The following KIF15 variants were observed in gnomAD, a reference collection of about 807,000 sequenced individuals.
KIF15 encodes the protein kinesin family member 15.
Under a neutral mutation model 190.6 loss-of-function variants are expected in KIF15, and 140 were observed. The ratio of observed to expected loss-of-function variants is 0.73; its 90% CI spans 0.64 to 0.84. The LOEUF is 0.84. Among genes scored for constraint, KIF15 ranks in the 40% least tolerant of loss-of-function variants. KIF15 has a pLI of 0.00. For missense variants in KIF15, 1,372 were observed against 1,584.4 expected, an observed-to-expected ratio of 0.87 and a Z score of 2.28; for synonymous variants, 528 against 551.3, an observed-to-expected ratio of 0.96 and a Z score of 0.59.
Position 44,774,409 on chromosome 3 carries a change from G to A in KIF15, c.34G>A (p.Val12Met), listed in dbSNP as rs534270094. 5.3e-5 allele frequency: 86 copies of A among 1,612,910 alleles called. No individual in the cohort carries two copies. Among genetic ancestry groups the A allele is most frequent in the East Asian group, 4.5e-4 (20 of 44,858 alleles). The change falls in exon 2 of 35, where the codon GTG (valine) becomes ATG (methionine). Residue 12 changes from valine to methionine, a missense_variant. Val to Met is a conservative substitution (Grantham distance 21, BLOSUM62 1). Coordinates refer to ENST00000326047, the MANE Select transcript of KIF15 (RefSeq NM_020242.3). The stretch of plus-strand genomic sequence containing the variant: ...TTTTTTTCTAGCTGAGTTACGCAGC[G>A]TGACAAATGGTCAGTCTAACCAACC... ...APGCKTELRS[V>M]TNGQSNQPSN... is the part of the protein sequence containing the mutation.
intron 1 of KIF15, among the ~76,000 whole-genome samples, chr3:44,767,619 G>C (rs1030595837): frequency 7.4e-5 from 9 of 121,476 alleles, no homozygotes; most frequent in South Asian, 2.6e-4. Flanking sequence ...AGCTCGGCTG[G>C]GCGTGGTGGC....
chr3:44,792,809 G>A (rs534124371), intron 7 of KIF15, among the ~76,000 whole-genome samples: 8 of 152,240 alleles, frequency 5.3e-5, no homozygotes, highest in African/African-American at 1.9e-4. Flanking sequence ...GCCTCCCAAA[G>A]TGCTGGAATT....
chr3:44,808,756 G>A (rs749683275), intron 16 of KIF15, among the ~76,000 whole-genome samples: 3 of 152,064 alleles, frequency 2.0e-5, no homozygotes, highest in Admixed American at 6.5e-5. Flanking sequence ...ACCAGTTAAC[G>A]TGAGGCTCAA....
chr3:44,789,439 T>G (rs1044490864), intron 7 of KIF15, among the ~76,000 whole-genome samples: 1 of 151,262 alleles, frequency 6.6e-6, no homozygotes, highest in Non-Finnish European at 1.5e-5. Flanking sequence ...AGTCTTTGAG[T>G]TTTTTTTGAG....
At chr3:44,787,549 T>G (rs1053925369) in intron 7 of KIF15, among the ~76,000 whole-genome samples, 3 of 152,190 alleles carry the variant, frequency 2.0e-5, no homozygotes, top group African/African-American at 7.2e-5. Context: ...AGAGATAGGT[T>G]GTACATGTGA....
At chr3:44,801,631 G>A (rs1307972922) in intron 12 of KIF15, 105 bp downstream of exon 12, 13 of 955,256 alleles carry the variant, frequency 1.4e-5, no homozygotes, top group Non-Finnish European at 1.8e-5. Context: ...AGTCAATAAA[G>A]TAATGGAAGG....
chr3:44,840,370 G>T lies in KIF15; in HGVS notation c.3334G>T (p.Glu1112Ter). 6.2e-7 allele frequency: 1 copy of T among 1,604,740 alleles called. No individual in the cohort carries two copies. The highest frequency in any genetic ancestry group is 1.1e-5 in the South Asian group (1 of 89,466). Residue 1112 changes from glutamate to a stop codon, truncating the protein, a stop_gained, in exon 28 of 35, where the codon GAG becomes TAG. Transcript: ENST00000326047. LOFTEE classifies it high-confidence loss of function. Reference sequence around the variant, plus strand: ...ATTTTCCCAGCTAAACCAAAAGAAAGAGGAAGTAGAACAGAAGAAGAATGA... The same window carrying T: ...ATTTTCCCAGCTAAACCAAAAGAAATAGGAAGTAGAACAGAAGAAGAATGA... The part of the protein sequence containing the change: ...ELQHKLNQKK[E>*]EVEQKKNEYN...
At chr3:44,843,939 TAGC>T (rs1698729068) in intron 30 of KIF15, among the ~76,000 whole-genome samples, 1 of 152,214 alleles carries the variant, frequency 6.6e-6, no homozygotes, top group Admixed American at 6.5e-5. Context: ...CAGTGTTTGG[TAGC>T]AGGTGTCAGT....
downstream of KIF15, among the ~76,000 whole-genome samples, chr3:44,856,340 G>T (rs1220703960): frequency 6.6e-6 from 1 of 152,156 alleles, no homozygotes; most frequent in Admixed American, 6.5e-5. Context: ...TCCCTGCGGA[G>T]TAGCAGAATA....
At chr3:44,803,740 A>G (rs530214209) in intron 14 of KIF15, among the ~76,000 whole-genome samples, 1 of 152,300 alleles carries the variant, frequency 6.6e-6, no homozygotes, top group African/African-American at 2.4e-5. Flanking sequence ...GCTTTTTAAA[A>G]TTTCATTTTT....
chr3:44,852,776 T>C lies in KIF15; in HGVS notation c.*41T>C, dbSNP rs373487458. ...ACCTAGGCATCACCTTGTTTGAAGA[T>C]GTTTCTTCTCTTTTACAAGTAAGAC... is the stretch of plus-strand genomic sequence containing the variant. On this transcript the variant is annotated 3_prime_UTR_variant, in exon 35 of 35. Coordinates refer to ENST00000326047, the MANE Select transcript of KIF15 (RefSeq NM_020242.3). 1.2e-3 allele frequency: 1,890 copies of C among 1,517,132 alleles called. 10 individuals are homozygous for C. The highest frequency in any genetic ancestry group is 2.4e-3 in the Admixed American group (118 of 48,350). 94.0% of individuals were successfully genotyped at this position (1,517,132 alleles called of 1,614,324 possible). A position where few individuals can be genotyped will look rare whatever the true frequency, so the allele number is the denominator to read the frequency against.
chr3:44,778,257 C>A, intron 4 of KIF15, 66 bp downstream of exon 4: 2 of 1,217,506 alleles, frequency 1.6e-6, no homozygotes, highest in Non-Finnish European at 1.2e-6. Context: ...GCTGTTGTAA[C>A]AAATTACCAC....
At chr3:44,847,582 G>T (rs75066433) in intron 30 of KIF15, among the ~76,000 whole-genome samples, 1 of 152,134 alleles carries the variant, frequency 6.6e-6, no homozygotes, top group South Asian at 2.1e-4. Flanking sequence ...GAGCGACCCT[G>T]CCTACCCAAA....
At chr3:44,796,473 A>G (rs1397945716) in intron 8 of KIF15, among the ~76,000 whole-genome samples, 2 of 152,168 alleles carry the variant, frequency 1.3e-5, no homozygotes, top group African/African-American at 2.4e-5. Flanking sequence ...TATTCTTTCT[A>G]TTTTACAGTT....
At position 44,826,410 on chromosome 3, in the gene KIF15, C is replaced by T. The variant is rs1235026102; in HGVS notation, c.2736C>T (p.Arg912=). Residue 912 remains arginine (R), a synonymous_variant, in exon 22 of 35, where the codon CGC becomes CGT. Transcript: ENST00000326047. ...AGCTTCTTGAGGCAGAAAAAGAACG[C>T]AATAACAAATTATCATTACAGTTTG... ...LMELLEAEKE[R]NNKLSLQFEE... 13 of 1,612,778 alleles carry T rather than the reference C, an allele frequency of 8.1e-6. No individual in the cohort carries two copies. The highest frequency in any genetic ancestry group is 1.3e-5 in the African/African-American group (1 of 74,850).
chr3:44,838,298 G>A lies in KIF15; in HGVS notation c.3195G>A (p.Leu1065=), dbSNP rs533828163. The change falls in exon 27 of 35, where the codon CTG becomes CTA. Residue 1065 remains leucine (L), a synonymous_variant. Coordinates refer to ENST00000326047, the MANE Select transcript of KIF15 (RefSeq NM_020242.3). ...AGAGGGATATGCTCTGTGAGGACCT[G>A]GCTCATGCCACTGAGCAGCTGAACA... The part of the protein sequence containing the change: ...DIERDMLCED[L]AHATEQLNML... 26 of 1,613,432 alleles carry A rather than the reference G, an allele frequency of 1.6e-5. No individual in the cohort carries two copies. The South Asian group carries it at 2.1e-4, about 13-fold the overall frequency.
intron 3 of KIF15, among the ~76,000 whole-genome samples, chr3:44,777,453 G>A (rs1054994477): frequency 9.9e-5 from 15 of 152,132 alleles, no homozygotes; most frequent in African/African-American, 3.1e-4. Context: ...CAGCACTTTG[G>A]GAGGTGGAGG....
intron 1 of KIF15, among the ~76,000 whole-genome samples, chr3:44,773,119 G>A (rs1227895529): frequency 6.9e-6 from 1 of 144,240 alleles, no homozygotes; most frequent in East Asian, 2.2e-4. Context: ...TTGGGGTCTT[G>A]GCCTAGTAAA....
chr3:44,863,476 CTAAA>C (rs1473185485), intron 6 of KIF15: 3 of 152,224 alleles, frequency 2.0e-5, no homozygotes, highest in South Asian at 2.1e-4. Context: ...TCTGGGATCA[CTAAA>C]TAGTCTGAGG....
Sources: gnomAD v4.1 joint callset for allele counts (sites outside exome capture counted in the v4.1 genomes callset) on GRCh38, gnomAD v4.1.1 for gene constraint, MANE v1.5 for transcripts, NCBI Gene and HGNC (gene_info 2026-07-23, HGNC 2026-07-21) for gene names.